ZC3H13: variants seen among roughly 807,000 people sequenced by gnomAD.
ZC3H13 encodes zinc finger CCCH domain-containing protein 13.
Under a neutral mutation model 204.1 loss-of-function variants are expected in ZC3H13, and 64 were observed. The ratio of observed to expected loss-of-function variants is 0.31; its 90% CI spans 0.26 to 0.39. ZC3H13 has a LOEUF of 0.39. Among genes scored for constraint, ZC3H13 ranks in the 10% least tolerant of loss-of-function variants. The probability of loss-of-function intolerance (pLI) is 1.00; values close to 1 mark genes in which losing one functional copy is unlikely to be tolerated. For synonymous variants in ZC3H13, 667 were observed against 693.7 expected (o/e 0.96, Z 0.60); for missense variants, 1,833 against 2,082.7 (o/e 0.88, Z 2.33).
chr13:45,964,092 CTTG>C lies in ZC3H13; in HGVS notation c.4475-53_4475-51del, dbSNP rs1276678482. ...TTGTTTTACACCAAGAAATAGCAGT[CTTG>C]TTATCTACATAGACATTTACATAAA... On this transcript the variant is annotated intron_variant, in intron 16 of 18. Transcript: ENST00000679008. 4 of 1,517,522 alleles carry C rather than the reference CTTG, an allele frequency of 2.6e-6. No individual in the cohort carries two copies. The South Asian group carries it at 3.6e-5, about 14-fold the overall frequency. The allele number at this position is 1,517,522 out of a possible 1,614,324, so 94.0% of individuals were successfully genotyped here. A position where few individuals can be genotyped will look rare whatever the true frequency, so the allele number is the denominator to read the frequency against.
At chr13:46,046,356 A>C (rs2043953769) in intron 1 of ZC3H13, among the ~76,000 whole-genome samples, 1 of 152,064 alleles carries the variant, frequency 6.6e-6, no homozygotes, top group South Asian at 2.1e-4. Flanking sequence ...ATTTGATGTA[A>C]ACATAAAAAT....
At chr13:46,012,553 T>C (rs947884837) in intron 5 of ZC3H13, among the ~76,000 whole-genome samples, 2 of 152,250 alleles carry the variant, frequency 1.3e-5, no homozygotes, top group African/African-American at 4.8e-5. Flanking sequence ...TCAAATGCAT[T>C]AGAATGACAA....
At chr13:46,022,717 A>AT (rs879499124) in intron 4 of ZC3H13, among the ~76,000 whole-genome samples, 2,891 of 142,864 alleles carry the variant, frequency 0.02, 36 homozygotes, top group Non-Finnish European at 0.032. Flanking sequence ...AGAGTTCAGA[A>AT]TTTTTTTTTT....
intron 7 of ZC3H13, among the ~76,000 whole-genome samples, chr13:46,006,056 G>C (rs1309908136): frequency 6.7e-6 from 1 of 148,498 alleles, no homozygotes; most frequent in Non-Finnish European, 1.5e-5. Flanking sequence ...CTGCACACCA[G>C]CCTGGGTGAC....
chr13:45,993,285 G>A (rs74363225), intron 8 of ZC3H13, among the ~76,000 whole-genome samples: 2,155 of 152,210 alleles, frequency 0.014, 45 homozygotes, highest in African/African-American at 0.049. Context: ...CAGGAATACC[G>A]GCTATTTGTC....
intron 7 of ZC3H13, 103 bp downstream of exon 7, chr13:46,010,245 A>T: frequency 8.6e-7 from 1 of 1,162,256 alleles, no homozygotes; most frequent in Non-Finnish European, 1.1e-6. Context: ...AGCTTACATT[A>T]AATATAAAAT....
intron 4 of ZC3H13, among the ~76,000 whole-genome samples, chr13:46,036,472 G>A (rs1229111187): frequency 1.3e-5 from 2 of 151,976 alleles, no homozygotes; most frequent in Non-Finnish European, 2.9e-5. Context: ...AGGTTGGGGT[G>A]GGGTAGGAAA....
At chr13:46,041,803 T>C (rs973495569) in intron 4 of ZC3H13, among the ~76,000 whole-genome samples, 42 of 152,290 alleles carry the variant, frequency 2.8e-4, no homozygotes, top group African/African-American at 9.9e-4. Context: ...TTGTAAGTGT[T>C]CTACTGCAAG....
At chr13:45,975,902 T>G in intron 11 of ZC3H13, 64 bp from the exon 12 acceptor site, 1 of 1,480,794 alleles carries the variant, frequency 6.8e-7, no homozygotes, top group Non-Finnish European at 8.9e-7. Context: ...TAAGACAGCA[T>G]GGTAAATCTT....
chr13:46,051,432 T>C (rs564751388), intron 1 of ZC3H13, among the ~76,000 whole-genome samples: 1 of 152,318 alleles, frequency 6.6e-6, no homozygotes, highest in East Asian at 1.9e-4. Context: ...TGTTATAATC[T>C]AAATAGTTCA....
At chr13:46,036,184 C>T (rs779101008) in intron 4 of ZC3H13, among the ~76,000 whole-genome samples, 2 of 150,576 alleles carry the variant, frequency 1.3e-5, no homozygotes, top group Admixed American at 6.6e-5. Context: ...TAGGGGATGT[C>T]GGGGGGCAGT....
intron 5 of ZC3H13, among the ~76,000 whole-genome samples, chr13:46,014,359 C>A (rs1041023442): frequency 6.6e-6 from 1 of 152,004 alleles, no homozygotes; most frequent in Admixed American, 6.6e-5. Context: ...CCTCACCCCC[C>A]ATCCCCACAA....
At chr13:45,983,466 G>A (rs1306126898) in intron 10 of ZC3H13, among the ~76,000 whole-genome samples, 10 of 82,866 alleles carry the variant, frequency 1.2e-4, no homozygotes, top group Admixed American at 5.7e-4. Context: ...TCACTCTTTC[G>A]CCCAAGCTGG....
intron 11 of ZC3H13, 74 bp from the exon 12 acceptor site, chr13:45,975,912 T>C: frequency 7.2e-7 from 1 of 1,395,906 alleles, no homozygotes; most frequent in Non-Finnish European, 9.2e-7. Context: ...TGGTAAATCT[T>C]AAATTTTATC....
chr13:45,983,453 G>T (rs1376185863), intron 10 of ZC3H13, among the ~76,000 whole-genome samples: 1 of 59,458 alleles, frequency 1.7e-5, no homozygotes, highest in African/African-American at 9.1e-5. Flanking sequence ...TTGAGACGGA[G>T]TCTCACTCTT....
intron 15 of ZC3H13, among the ~76,000 whole-genome samples, chr13:45,966,082 C>G (rs905933498): frequency 3.9e-5 from 6 of 152,048 alleles, no homozygotes; most frequent in Admixed American, 3.3e-4. Flanking sequence ...AGTGTATGTT[C>G]TATTTTTTTA....
chr13:45,970,397 G>A lies in ZC3H13; in HGVS notation c.2537C>T (p.Pro846Leu), dbSNP rs769687962. The A allele has an allele frequency of 9.3e-6, 15 of 1,613,764 alleles. No homozygotes were observed. The highest frequency in any genetic ancestry group is 1.6e-4 in the Middle Eastern group (1 of 6,080). Residue 846 changes from proline to leucine, a missense_variant, in exon 13 of 19, where the codon CCG (proline) becomes CTG (leucine). Pro to Leu is a moderately conservative substitution (Grantham distance 98, BLOSUM62 -3). This residue lies in a region of ZC3H13 where 1,574 missense variants were observed against 1,757.2 expected (regional missense o/e 0.90). Coordinates refer to ENST00000679008, the MANE Select transcript of ZC3H13 (RefSeq NM_001330564.2). ...TCCACTGTTGTAGGCATCACTGTCC[G>A]GAGAATGTTCACGCCGGCGCTTCGG... ...QSPKRRREHS[P>L]DSDAYNSGDD...
chr13:46,034,183 T>C (rs1212296204), intron 4 of ZC3H13, among the ~76,000 whole-genome samples: 1 of 151,936 alleles, frequency 6.6e-6, no homozygotes, highest in Non-Finnish European at 1.5e-5. Context: ...AGAGAGAAAA[T>C]TATTCAGTGT....
intron 7 of ZC3H13, among the ~76,000 whole-genome samples, chr13:46,007,782 C>T (rs1010074858): frequency 1.3e-5 from 2 of 152,148 alleles, no homozygotes; most frequent in African/African-American, 4.8e-5. Context: ...TGGCAAAGAG[C>T]CCACCTGTTT....
Sources: allele counts gnomAD v4.1 joint callset (sites outside exome capture counted in the v4.1 genomes callset), GRCh38; gene constraint gnomAD v4.1.1; regional missense constraint gnomAD v4.1.1; transcripts MANE v1.5; gene names NCBI Gene and HGNC (gene_info 2026-07-23, HGNC 2026-07-21).